CYB5R3: variants seen among roughly 807,000 people sequenced by gnomAD.
CYB5R3 encodes NADH-cytochrome b5 reductase 3.
A neutral mutation model predicts 36.5 loss-of-function variants in CYB5R3; 28 were observed. The observed-to-expected ratio is 0.77, with a 90% CI of 0.57 to 1.05. The LOEUF is 1.05. Ranked by LOEUF, CYB5R3 falls within the 50% of genes least tolerant of loss-of-function variation. The probability of loss-of-function intolerance (pLI) is 0.00; values close to 1 mark genes in which losing one functional copy is unlikely to be tolerated. For synonymous variants in CYB5R3, 181 were observed against 159.8 expected, an observed-to-expected ratio of 1.13 and a Z score of -1.00; for missense variants, 474 against 408.9, an observed-to-expected ratio of 1.16 and a Z score of -1.37.
intron 1 of CYB5R3, among the ~76,000 whole-genome samples, chr22:42,638,333 T>C (rs1601944659): frequency 7.2e-6 from 1 of 138,404 alleles, no homozygotes; most frequent in South Asian, 2.3e-4. Flanking sequence ...GAGGCGGAGG[T>C]TGCAGTGAGC....
chr22:42,647,010 C>G lies in CYB5R3; in HGVS notation c.21+2285G>C, dbSNP rs1399169465. 3.1e-6 allele frequency: 3 copies of G among 979,956 alleles called. No homozygotes were observed. In the African/African-American group the frequency reaches 5.3e-5, roughly 17 times the overall value. 60.7% of individuals were successfully genotyped at this position (979,956 alleles called of 1,614,324 possible). The stretch of plus-strand genomic sequence containing the variant: ...TGGCTGGCAGACTCCAGGGCCAACC[C>G]CTGGCCTGGATCCCACAAAGTGTTG... On this transcript the variant is annotated intron_variant, in intron 1 of 8. Transcript: ENST00000352397.
chr22:42,619,700 G>A lies in CYB5R3; in HGVS notation c.*73C>T. 9.7e-6 allele frequency: 14 copies of A among 1,446,340 alleles called. No individual in the cohort carries two copies. Among genetic ancestry groups the A allele is most frequent in the Non-Finnish European group, 1.3e-5 (14 of 1,077,774 alleles). 89.6% of individuals were successfully genotyped at this position (1,446,340 alleles called of 1,614,324 possible). On this transcript the variant is annotated 3_prime_UTR_variant, in exon 9 of 9. Coordinates refer to ENST00000352397, the MANE Select transcript of CYB5R3 (RefSeq NM_000398.7). ...ACCCGGGGCCCCAGTGTGCGATGTG[G>A]GGAGGTGACTGGGTGAGCGTGAACA...
Position 42,619,809 on chromosome 22 carries a change from G to A in CYB5R3, c.870C>T (p.His290=), listed in dbSNP as rs762602202. 65 of 1,598,482 alleles carry A rather than the reference G, an allele frequency of 4.1e-5. No homozygotes were observed. The highest frequency in any genetic ancestry group is 1.6e-4 in the Middle Eastern group (1 of 6,066). ...AGCAGCGCTCCGTGGGGTGGCCCAC[G>A]TGGTCCAGGTTGGGAAGGCAGGCGT... The part of the protein sequence containing the change: ...IQYACLPNLD[H]VGHPTERCFV... The change falls in exon 9 of 9, where the codon CAC becomes CAT. Residue 290 remains histidine, a synonymous_variant. Transcript: ENST00000352397.
chr22:42,627,006 C>G (rs974724630), intron 7 of CYB5R3, among the ~76,000 whole-genome samples: 2 of 152,230 alleles, frequency 1.3e-5, no homozygotes, highest in African/African-American at 4.8e-5. Context: ...CCAGTGGGTT[C>G]CACACCGTGC....
intron 1 of CYB5R3, among the ~76,000 whole-genome samples, chr22:42,648,655 T>C (rs116110972): frequency 3.3e-4 from 50 of 152,266 alleles, no homozygotes; most frequent in African/African-American, 1.2e-3. Flanking sequence ...CCAGCACAGC[T>C]TGCAGGGTCA....
chr22:42,629,523 G>A (rs962951719), intron 4 of CYB5R3, among the ~76,000 whole-genome samples: 3 of 152,312 alleles, frequency 2.0e-5, no homozygotes, highest in Admixed American at 6.5e-5. Flanking sequence ...TCCAGTGTCC[G>A]TCCTCCAGCC....
rs1854134237 is a variant in CYB5R3, at chr22:42,644,686, G to A, written c.21+4609C>T. On this transcript the variant is annotated intron_variant, in intron 1 of 8. Transcript: ENST00000352397. ...CCTCAGTCACAGAAACCACGCCCAC[G>A]TGGAATAGAGTCTAGGGAAAAAGTT... The A allele has an allele frequency of 7.1e-6, 7 of 984,394 alleles. No homozygotes were observed. The South Asian group carries it at 2.4e-4, about 33-fold the overall frequency. The allele number at this position is 984,394 out of a possible 1,614,324, so 61.0% of individuals were successfully genotyped here. A position where few individuals can be genotyped will look rare whatever the true frequency, so the allele number is the denominator to read the frequency against.
At chr22:42,636,192 G>A (rs1928880472) in intron 2 of CYB5R3, among the ~76,000 whole-genome samples, 1 of 152,064 alleles carries the variant, frequency 6.6e-6, no homozygotes, top group Admixed American at 6.6e-5. Context: ...ACTCCAGCCT[G>A]GGACACAGGG....
rs193297918 is a variant in CYB5R3 at position 42,648,101 on chromosome 22, T to C, written c.21+1194A>G. Among the ~76,000 whole-genome samples, 12 of 152,232 alleles carry C rather than the reference T, an allele frequency of 7.9e-5. No homozygotes were observed. In the East Asian group the frequency reaches 1.2e-3, roughly 15 times the overall value. ...TGGAGGTTGGGGTGATGCCCACAGGTTCACCCTGGCCAAGGTTGCCTGGGG... is the reference window on the plus strand; with the variant it reads ...TGGAGGTTGGGGTGATGCCCACAGGCTCACCCTGGCCAAGGTTGCCTGGGG... On this transcript the variant is annotated intron_variant, in intron 1 of 8. Transcript: ENST00000352397.
intron 2 of CYB5R3, 78 bp downstream of exon 2, chr22:42,636,637 G>A: frequency 6.3e-7 from 1 of 1,575,566 alleles, no homozygotes; most frequent in Non-Finnish European, 8.6e-7. Flanking sequence ...CTTCAGAGCA[G>A]GACCATGCCC....
At chr22:42,622,775 G>GC (rs1356650609) in intron 8 of CYB5R3, among the ~76,000 whole-genome samples, 1 of 152,204 alleles carries the variant, frequency 6.6e-6, no homozygotes, top group Admixed American at 6.5e-5. Flanking sequence ...GAGGGTGTGC[G>GC]CCCCCCACCA....
chr22:42,649,379 G>A lies in CYB5R3; in HGVS notation c.-64C>T, dbSNP rs1046803988. ...CCGCCGCCGAGACCGTCGCGCCCGG[G>A]CCCGCGTCACTCCGGAGCAGGGGCG... On this transcript the variant is annotated 5_prime_UTR_variant, in exon 1 of 9. Coordinates refer to ENST00000352397, the MANE Select transcript of CYB5R3 (RefSeq NM_000398.7). 3.4e-6 allele frequency: 2 copies of A among 584,934 alleles called. No homozygotes were observed. Among genetic ancestry groups the A allele is most frequent in the Non-Finnish European group, 4.3e-6 (2 of 460,472 alleles). 36.2% of individuals were successfully genotyped at this position (584,934 alleles called of 1,614,324 possible).
chr22:42,621,533 A>G (rs374814832), intron 8 of CYB5R3, among the ~76,000 whole-genome samples: 2 of 152,314 alleles, frequency 1.3e-5, no homozygotes, highest in South Asian at 4.1e-4. Context: ...CAACCTCTGG[A>G]ATTTCAGCTT....
At chr22:42,622,506 G>A (rs917709543) in intron 8 of CYB5R3, among the ~76,000 whole-genome samples, 3 of 152,116 alleles carry the variant, frequency 2.0e-5, no homozygotes, top group Non-Finnish European at 4.4e-5. Context: ...GCCAGAGGCC[G>A]GACACGGTGA....
chr22:42,624,017 A>C lies in CYB5R3; in HGVS notation c.634-129T>G. On this transcript the variant is annotated intron_variant, in intron 7 of 8. Transcript: ENST00000352397. ...ACGCTTGCGGAGCTTTCAGGAGGGG[A>C]CTCGGCCAGAGATCACCCTGGCACC... 6.5e-6 allele frequency: 5 copies of C among 772,270 alleles called. No homozygotes were observed. In the South Asian group the frequency reaches 7.3e-5, roughly 11 times the overall value. The allele number at this position is 772,270 out of a possible 1,614,324, so 47.8% of individuals were successfully genotyped here. A position where few individuals can be genotyped will look rare whatever the true frequency, so the allele number is the denominator to read the frequency against.
At chr22:42,635,356 G>A (rs544812214) in intron 2 of CYB5R3, among the ~76,000 whole-genome samples, 26 of 148,358 alleles carry the variant, frequency 1.8e-4, no homozygotes, top group African/African-American at 6.0e-4. Flanking sequence ...TGCCCTCCTC[G>A]GCCTCCCAAA....
At chr22:42,639,290 C>T (rs12158041) in intron 1 of CYB5R3, among the ~76,000 whole-genome samples, 1,860 of 149,438 alleles carry the variant, frequency 0.012, 43 homozygotes, top group African/African-American at 0.043. Context: ...TGCCACTGCA[C>T]TCCAGCCTGG....
At chr22:42,641,812 G>C (rs1282382756) in intron 1 of CYB5R3, among the ~76,000 whole-genome samples, 1 of 152,000 alleles carries the variant, frequency 6.6e-6, no homozygotes, top group Non-Finnish European at 1.5e-5. Flanking sequence ...GTAGAGCCGG[G>C]GTTTTTTCTC....
At chr22:42,630,848 C>T (rs760232277) in intron 4 of CYB5R3, 34 bp downstream of exon 4, 2 of 1,570,292 alleles carry the variant, frequency 1.3e-6, no homozygotes, top group South Asian at 1.1e-5. Flanking sequence ...CACCCACCCA[C>T]ACCCCCTCCA....
Sources: allele counts gnomAD v4.1 joint callset (sites outside exome capture counted in the v4.1 genomes callset), GRCh38; gene constraint gnomAD v4.1.1; transcripts MANE v1.5; gene names NCBI Gene and HGNC (gene_info 2026-07-23, HGNC 2026-07-21).